The following RHO variants were observed in gnomAD, a reference collection of about 807,000 sequenced individuals.
RHO encodes rhodopsin.
In RHO, 21 loss-of-function variants were observed where a neutral mutation model predicts 31.2. The ratio of observed to expected loss-of-function variants is 0.67; its 90% CI spans 0.48 to 0.97. The LOEUF is 0.97. RHO is among the 50% of genes least tolerant of loss of function. The probability of loss-of-function intolerance (pLI) is 0.00; values close to 1 mark genes in which losing one functional copy is unlikely to be tolerated. For synonymous variants in RHO, 211 were observed against 196.6 expected (o/e 1.07, Z -0.61); for missense variants, 414 against 479.5 (o/e 0.86, Z 1.28).
In RHO at chr3:129,532,731, G is replaced by T. The variant is rs779665096; in HGVS notation, c.895G>T (p.Ala299Ser). 80 of 1,614,212 alleles carry T rather than the reference G, an allele frequency of 5.0e-5. No homozygotes were observed. The East Asian group carries it at 1.6e-3, about 32-fold the overall frequency. Residue 299 changes from alanine to serine, a missense_variant, in exon 4 of 5, where the codon GCC (alanine) becomes TCC (serine). Ala to Ser is a moderately conservative substitution (Grantham distance 99). Coordinates refer to ENST00000296271, the MANE Select transcript of RHO (RefSeq NM_000539.3). The surrounding 1 kb of genome is among the most constrained non-coding windows in gnomAD (Gnocchi z 5.5). Reference sequence around the variant, plus strand: ...CCCAGCGTTCTTTGCCAAGAGCGCCGCCATCTACAACCCTGTCATCTATAT... The same window carrying T: ...CCCAGCGTTCTTTGCCAAGAGCGCCTCCATCTACAACCCTGTCATCTATAT... ...TIPAFFAKSAAIYNPVIYIMM... is the reference protein window; with the variant it reads ...TIPAFFAKSASIYNPVIYIMM...
chr3:129,533,497 G>A (rs1180299189), intron 4 of RHO, 111 bp from the exon 5 acceptor site: 3 of 845,952 alleles, frequency 3.5e-6, no homozygotes, highest in Non-Finnish European at 6.1e-6. Context: ...TGGGGCGCTG[G>A]AATCGTGAGG....
At position 129,532,739 on chromosome 3, in the gene RHO, C is replaced by T; in HGVS notation, c.903C>T (p.Tyr301=). The T allele has an allele frequency of 2.5e-6, 4 of 1,614,270 alleles. No individual in the cohort carries two copies. Among genetic ancestry groups the T allele is most frequent in the Non-Finnish European group, 3.4e-6 (4 of 1,180,040 alleles). ...PAFFAKSAAI[Y]NPVIYIMMNK... ...TCTTTGCCAAGAGCGCCGCCATCTACAACCCTGTCATCTATATCATGATGA... is the reference window on the plus strand; with the variant it reads ...TCTTTGCCAAGAGCGCCGCCATCTATAACCCTGTCATCTATATCATGATGA... The change falls in exon 4 of 5, where the codon TAC becomes TAT. Residue 301 remains tyrosine, a synonymous_variant. Transcript: ENST00000296271. This position sits in a 1 kb window ranked among gnomAD's most constrained non-coding sequence, Gnocchi z 5.5.
At position 129,531,022 on chromosome 3, in the gene RHO, C is replaced by G. The variant is rs2084776117; in HGVS notation, c.508C>G (p.Pro170Ala). The G allele has an allele frequency of 1.2e-6, 2 of 1,614,022 alleles. No individual in the cohort carries two copies. Among genetic ancestry groups the G allele is most frequent in the Non-Finnish European group, 1.7e-6 (2 of 1,180,026 alleles). Residue 170 changes from proline (P) to alanine (A), a missense_variant, in exon 2 of 5, where the codon CCC becomes GCC. Pro to Ala is a conservative substitution (Grantham distance 27). Transcript: ENST00000296271. ...TWVMALACAA[P>A]PLAGWSRYIP... is the part of the protein sequence containing the mutation. ...GGTCATGGCGCTGGCCTGCGCCGCA[C>G]CCCCACTCGCCGGCTGGTCCAGGTA...
Position 129,533,775 on chromosome 3 carries a change from C to T in RHO, c.*57C>T. 1 of 1,185,546 alleles carries T rather than the reference C, an allele frequency of 8.4e-7. No homozygotes were observed. Among genetic ancestry groups the T allele is most frequent in the Non-Finnish European group, 1.3e-6 (1 of 790,728 alleles). The allele number at this position is 1,185,546 out of a possible 1,614,324, so 73.4% of individuals were successfully genotyped here. A position where few individuals can be genotyped will look rare whatever the true frequency, so the allele number is the denominator to read the frequency against. On this transcript the variant is annotated 3_prime_UTR_variant, in exon 5 of 5. Transcript: ENST00000296271. ...GCGTCTCCCATCCCCTACACCTTCCCCCAGCCACAGCCATCCCACCAGGAG... is the reference window on the plus strand; with the variant it reads ...GCGTCTCCCATCCCCTACACCTTCCTCCAGCCACAGCCATCCCACCAGGAG...
At position 129,533,908 on chromosome 3, in the gene RHO, G is replaced by A. The variant is rs2084803466; in HGVS notation, c.*190G>A. ...ACTCACCTGGGACAGCCTGAGAAGGGACATCCACCAAGACCTACTGATCTG... is the reference window on the plus strand; with the variant it reads ...ACTCACCTGGGACAGCCTGAGAAGGAACATCCACCAAGACCTACTGATCTG... On this transcript the variant is annotated 3_prime_UTR_variant, in exon 5 of 5. Coordinates refer to ENST00000296271, the MANE Select transcript of RHO (RefSeq NM_000539.3). 15 of 558,540 alleles carry A rather than the reference G, an allele frequency of 2.7e-5. No individual in the cohort carries two copies. The South Asian group carries it at 3.2e-4, about 12-fold the overall frequency. The allele number at this position is 558,540 out of a possible 1,614,324, so 34.6% of individuals were successfully genotyped here. A position where few individuals can be genotyped will look rare whatever the true frequency, so the allele number is the denominator to read the frequency against.
In RHO at chr3:129,533,805, G is replaced by A. The variant is rs1310287805; in HGVS notation, c.*87G>A. On this transcript the variant is annotated 3_prime_UTR_variant, in exon 5 of 5. Transcript: ENST00000296271. ...CCACAGCCATCCCACCAGGAGCAGC[G>A]CCTGTGCAGAATGAACGAAGTCACA... The A allele has an allele frequency of 5.3e-6, 5 of 947,354 alleles. No homozygotes were observed. The African/African-American group carries it at 6.4e-5, about 12-fold the overall frequency. The allele number at this position is 947,354 out of a possible 1,614,324, so 58.7% of individuals were successfully genotyped here. A position where few individuals can be genotyped will look rare whatever the true frequency, so the allele number is the denominator to read the frequency against.
chr3:129,530,316 C>CCTTCTT (rs1444350185), intron 1 of RHO, among the ~76,000 whole-genome samples: 1 of 152,102 alleles, frequency 6.6e-6, no homozygotes, highest in Non-Finnish European at 1.5e-5. Flanking sequence ...TCCATCATTT[C>CCTTCTT]CTTCTTCTTC....
chr3:129,530,853 A>T (rs747855401), intron 1 of RHO, 23 bp from the exon 2 acceptor site: 22 of 1,613,852 alleles, frequency 1.4e-5, no homozygotes, highest in Non-Finnish European at 4.2e-6. Context: ...GTCTGTGCTG[A>T]CCGCCTGCTG....
Position 129,531,031 on chromosome 3 carries a change from G to GGT in RHO, c.517_518insGT (p.Ala173GlyfsTer45). The GGT allele has an allele frequency of 6.2e-7, 1 of 1,613,870 alleles. No individual in the cohort carries two copies. Among genetic ancestry groups the GGT allele is most frequent in the Non-Finnish European group, 8.5e-7 (1 of 1,180,038 alleles). On this transcript the variant is annotated frameshift_variant, in exon 2 of 5. Coordinates refer to ENST00000296271, the MANE Select transcript of RHO (RefSeq NM_000539.3). LOFTEE classifies it high-confidence loss of function. ...GCTGGCCTGCGCCGCACCCCCACTC[G>GGT]CCGGCTGGTCCAGGTAATGGCACTG...
At chr3:129,530,533 AACACAC>A (rs60120581) in intron 1 of RHO, among the ~76,000 whole-genome samples, 60 of 122,912 alleles carry the variant, frequency 4.9e-4, no homozygotes, top group Admixed American at 2.3e-3. Flanking sequence ...ACACACACAC[AACACAC>A]ACACACACAC....
chr3:129,530,532 CAACA>C (rs1305320311), intron 1 of RHO, among the ~76,000 whole-genome samples: 3 of 87,522 alleles, frequency 3.4e-5, no homozygotes, highest in Non-Finnish European at 5.6e-5. Context: ...CACACACACA[CAACA>C]CACACACACA....
At position 129,532,817 on chromosome 3, in the gene RHO, C is replaced by T. The variant is rs753665727; in HGVS notation, c.936+45C>T. ...GGGCCCCAGTGCCCCAGGCCACAGG[C>T]GCTGCCTGCCAAGGACAAGCTACTT... On this transcript the variant is annotated intron_variant, in intron 4 of 4. Transcript: ENST00000296271. The surrounding 1 kb of genome is among the most constrained non-coding windows in gnomAD (Gnocchi z 5.5). 52 of 1,610,992 alleles carry T rather than the reference C, an allele frequency of 3.2e-5. 1 individual carries two copies. The South Asian group carries it at 4.0e-4, about 12-fold the overall frequency.
At chr3:129,529,356 G>A (rs955355818) in intron 1 of RHO, among the ~76,000 whole-genome samples, 2 of 152,264 alleles carry the variant, frequency 1.3e-5, no homozygotes, top group African/African-American at 4.8e-5. Flanking sequence ...CAAGAAAACT[G>A]AGCTGAGGCT....
In RHO at chr3:129,532,859, G is replaced by T; in HGVS notation, c.936+87G>T. 1 of 1,571,838 alleles carries T rather than the reference G, an allele frequency of 6.4e-7. No individual in the cohort carries two copies. The highest frequency in any genetic ancestry group is 1.1e-5 in the South Asian group (1 of 89,874). ...AAGCTACTTCCCAGGGCAGGGGAGG[G>T]GGCTCCATCAGGGTTACTGGCAGCA... On this transcript the variant is annotated intron_variant, in intron 4 of 4. Coordinates refer to ENST00000296271, the MANE Select transcript of RHO (RefSeq NM_000539.3). The surrounding 1 kb of genome is among the most constrained non-coding windows in gnomAD (Gnocchi z 5.5).
chr3:129,531,351 C>A (rs1279641372), intron 2 of RHO, among the ~76,000 whole-genome samples: 1 of 152,206 alleles, frequency 6.6e-6, no homozygotes, highest in Non-Finnish European at 1.5e-5. Flanking sequence ...TCTAGTACCC[C>A]GGGGGCAGCC....
At chr3:129,530,533 AACACACACAC>A (rs60120581) in intron 1 of RHO, among the ~76,000 whole-genome samples, 3 of 122,894 alleles carry the variant, frequency 2.4e-5, no homozygotes, top group South Asian at 2.5e-4. Flanking sequence ...ACACACACAC[AACACACACAC>A]ACACACACAC....
rs781325869 is a variant in RHO, at chr3:129,528,974, G to A, written c.241G>A (p.Val81Met). The A allele has an allele frequency of 2.6e-5, 42 of 1,614,080 alleles. No individual in the cohort carries two copies. The highest frequency in any genetic ancestry group is 2.7e-5 in the Non-Finnish European group (32 of 1,180,052). ...CAACTACATCCTGCTCAACCTAGCC[G>A]TGGCTGACCTCTTCATGGTCCTAGG... The part of the protein sequence containing the change: ...PLNYILLNLA[V>M]ADLFMVLGGF... Residue 81 changes from valine to methionine, a missense_variant, in exon 1 of 5, where the codon GTG becomes ATG. By Grantham distance (21) the Val-to-Met change is conservative (BLOSUM62 1). Coordinates refer to ENST00000296271, the MANE Select transcript of RHO (RefSeq NM_000539.3).
rs965725615 is a variant in RHO, at chr3:129,532,161, T to C, written c.531-90T>C. The C allele has an allele frequency of 3.0e-6, 3 of 1,010,164 alleles. No homozygotes were observed. The African/African-American group carries it at 4.8e-5, about 16-fold the overall frequency. The allele number at this position is 1,010,164 out of a possible 1,614,324, so 62.6% of individuals were successfully genotyped here. On this transcript the variant is annotated intron_variant, in intron 2 of 4. Transcript: ENST00000296271. The surrounding 1 kb of genome is among the most constrained non-coding windows in gnomAD (Gnocchi z 5.5). The stretch of plus-strand genomic sequence containing the variant: ...GATCCCCTTTTCCAGGGAGGGAATG[T>C]GAAGCCCCAGAAAGGGCCAGCGCTC...
In RHO at chr3:129,533,759, A is replaced by G. The variant is rs375306799; in HGVS notation, c.*41A>G. On this transcript the variant is annotated 3_prime_UTR_variant, in exon 5 of 5. Transcript: ENST00000296271. ...CTGTGGCCGACTATAGGCGTCTCCCATCCCCTACACCTTCCCCCAGCCACA... is the reference window on the plus strand; with the variant it reads ...CTGTGGCCGACTATAGGCGTCTCCCGTCCCCTACACCTTCCCCCAGCCACA... 10 of 1,370,846 alleles carry G rather than the reference A, an allele frequency of 7.3e-6. No individual in the cohort carries two copies. The highest frequency in any genetic ancestry group is 3.1e-6 in the Non-Finnish European group (3 of 959,720). 84.9% of individuals were successfully genotyped at this position (1,370,846 alleles called of 1,614,324 possible).
Sources: allele counts gnomAD v4.1 joint callset (sites outside exome capture counted in the v4.1 genomes callset), GRCh38; gene constraint gnomAD v4.1.1; non-coding constraint Gnocchi (gnomAD v3.1); transcripts MANE v1.5; gene names NCBI Gene and HGNC (gene_info 2026-07-23, HGNC 2026-07-21).